The following DAB1 variants were observed in gnomAD, a reference collection of about 807,000 sequenced individuals.
The protein encoded by DAB1 is DAB adaptor protein 1, also known as disabled homolog 1.
In DAB1, 15 loss-of-function variants were observed where a neutral mutation model predicts 64.6. That is an observed-to-expected ratio of 0.23 (90% confidence interval 0.16 to 0.36). The LOEUF is 0.36. Ranked by LOEUF, DAB1 falls within the 10% of genes least tolerant of loss-of-function variation. DAB1 has a pLI of 1.00. For missense variants in DAB1, 596 were observed against 706.7 expected (o/e 0.84, Z 1.78); for synonymous variants, 235 against 251.9 (o/e 0.93, Z 0.64).
At chr1:57,541,131 CTT>C (rs533723819) in intron 7 of DAB1, among the ~76,000 whole-genome samples, 53 of 142,410 alleles carry the variant, frequency 3.7e-4, no homozygotes, top group African/African-American at 8.2e-4. Context: ...ACTTTTCTTT[CTT>C]TTTTTTTTTT....
At chr1:58,010,589 T>C (rs181604163) in intron 5 of DAB1, among the ~76,000 whole-genome samples, 1 of 152,356 alleles carries the variant, frequency 6.6e-6, no homozygotes, top group East Asian at 1.9e-4. Context: ...TCCATGTTAA[T>C]TTCCCAATAT....
intron 7 of DAB1, among the ~76,000 whole-genome samples, chr1:57,567,840 G>A (rs1645142393): frequency 1.3e-5 from 2 of 152,140 alleles, no homozygotes; most frequent in African/African-American, 4.8e-5. Context: ...GGTGAAAATG[G>A]CCATACTGCC....
At chr1:57,206,817 C>A (rs573564343) in intron 2 of DAB1, among the ~76,000 whole-genome samples, 2 of 152,212 alleles carry the variant, frequency 1.3e-5, no homozygotes, top group African/African-American at 2.4e-5. Flanking sequence ...TGGAATTAAA[C>A]CCTGATTTAG....
At chr1:58,403,411 A>C (rs1644589878) in intron 3 of DAB1, among the ~76,000 whole-genome samples, 1 of 152,202 alleles carries the variant, frequency 6.6e-6, no homozygotes, top group Non-Finnish European at 1.5e-5. Context: ...AATTTTCCTA[A>C]GACTTTTCCC....
intron 1 of DAB1, among the ~76,000 whole-genome samples, chr1:57,855,242 T>A (rs1249920041): frequency 6.6e-6 from 1 of 152,132 alleles, no homozygotes; most frequent in East Asian, 1.9e-4. Context: ...ACTCAACACA[T>A]GATGCTTGGT....
chr1:57,047,980 G>A (rs971104341), intron 9 of DAB1, among the ~76,000 whole-genome samples: 1 of 152,098 alleles, frequency 6.6e-6, no homozygotes, highest in Admixed American at 6.6e-5. Context: ...AATAACTCTG[G>A]CTGACATTTA....
At chr1:57,455,466 G>A (rs1686553371) in intron 7 of DAB1, among the ~76,000 whole-genome samples, 1 of 152,100 alleles carries the variant, frequency 6.6e-6, no homozygotes, top group African/African-American at 2.4e-5. Context: ...TTTATCTGTA[G>A]GCTATGGGGA....
At chr1:58,322,784 T>C (rs1375424614) in intron 4 of DAB1, among the ~76,000 whole-genome samples, 1 of 152,180 alleles carries the variant, frequency 6.6e-6, no homozygotes. Context: ...TAAAGACACA[T>C]GTACACGTAT....
chr1:57,707,783 G>A (rs1032096022), intron 6 of DAB1, among the ~76,000 whole-genome samples: 1 of 152,192 alleles, frequency 6.6e-6, no homozygotes, highest in East Asian at 1.9e-4. Flanking sequence ...AAAGGGGATT[G>A]AGGGTTGTGA....
rs1178639001 is a variant in DAB1 at position 58,385,158 on chromosome 1, TATTATATTG to T, written n.258-41764_258-41756del. ...AACTTTTAGTGGTGATGCATAGCTT[TATTATATTG>T]ATTGTGGTGATGGTAGCAGGAGTGT... is the stretch of plus-strand genomic sequence containing the variant. On this transcript the variant is annotated intron_variant and non_coding_transcript_variant, in intron 3 of 20. Transcript: ENST00000485760. Among the ~76,000 whole-genome samples, 3 of 152,200 alleles carry T rather than the reference TATTATATTG, an allele frequency of 2.0e-5. No individual in the cohort carries two copies. The East Asian group carries it at 5.8e-4, about 29-fold the overall frequency.
chr1:58,428,724 A>T (rs1342671103), intron 3 of DAB1, among the ~76,000 whole-genome samples: 1 of 152,184 alleles, frequency 6.6e-6, no homozygotes, highest in Non-Finnish European at 1.5e-5. Context: ...TATTGGAAAG[A>T]GAGGAAAGTT....
At chr1:58,318,571 T>G (rs1176589922) in intron 4 of DAB1, among the ~76,000 whole-genome samples, 1 of 152,174 alleles carries the variant, frequency 6.6e-6, no homozygotes, top group African/African-American at 2.4e-5. Flanking sequence ...ATTTTACAGA[T>G]GAGGAAACTG....
chr1:58,418,976 A>G (rs1402149499), intron 3 of DAB1, among the ~76,000 whole-genome samples: 1 of 152,130 alleles, frequency 6.6e-6, no homozygotes, highest in African/African-American at 2.4e-5. Context: ...TATTATGGAG[A>G]TAGATGTTAG....
intron 3 of DAB1, among the ~76,000 whole-genome samples, chr1:58,422,415 T>C (rs886670830): frequency 6.6e-6 from 1 of 151,904 alleles, no homozygotes; most frequent in Non-Finnish European, 1.5e-5. Flanking sequence ...TAAATGGCCA[T>C]GAGGGTTTTG....
At chr1:58,322,269 A>C (rs959401681) in intron 4 of DAB1, among the ~76,000 whole-genome samples, 5 of 152,258 alleles carry the variant, frequency 3.3e-5, no homozygotes, top group African/African-American at 2.4e-5. Context: ...GAGCTGCTGC[A>C]TAGCAAAAGA....
At position 57,161,864 on chromosome 1, in the gene DAB1, A is replaced by C. The variant is rs72913046; in HGVS notation, c.68-16435T>G. Among the ~76,000 whole-genome samples the C allele has an allele frequency of 1.5e-3, 221 of 152,216 alleles. 1 individual carries two copies. Among genetic ancestry groups the C allele is most frequent in the Middle Eastern group, 0.01 (3 of 294 alleles). ...CACCCATTCTTCAAAAAAAAAAAAA[A>C]AGTTCATACTATAAATCTGTGTCTT... On this transcript the variant is annotated intron_variant, in intron 2 of 14. Transcript: ENST00000371236.
At chr1:58,259,204 C>A (rs988596042) in intron 4 of DAB1, among the ~76,000 whole-genome samples, 3 of 152,130 alleles carry the variant, frequency 2.0e-5, no homozygotes, top group African/African-American at 7.2e-5. Context: ...GGAACAGAGA[C>A]ATAGGATCCA....
intron 1 of DAB1, among the ~76,000 whole-genome samples, chr1:57,395,619 T>C (rs961321960): frequency 7.9e-5 from 12 of 152,220 alleles, no homozygotes; most frequent in African/African-American, 1.4e-4. Context: ...CCACTACCTA[T>C]ACCACAGTAG....
intron 2 of DAB1, among the ~76,000 whole-genome samples, chr1:57,258,922 T>G (rs1669971821): frequency 6.6e-6 from 1 of 152,060 alleles, no homozygotes; most frequent in African/African-American, 2.4e-5. Flanking sequence ...TGTATCAACC[T>G]CTGAATGTGC....
Sources: allele counts gnomAD v4.1 joint callset (sites outside exome capture counted in the v4.1 genomes callset), GRCh38; gene constraint gnomAD v4.1.1; transcripts MANE v1.5; gene names NCBI Gene and HGNC (gene_info 2026-07-23, HGNC 2026-07-21).